GRIN3A: variants seen among roughly 807,000 people sequenced by gnomAD.
The protein encoded by GRIN3A is glutamate receptor ionotropic, NMDA 3A.
Under a neutral mutation model 92.4 loss-of-function variants are expected in GRIN3A, and 47 were observed. The ratio of observed to expected loss-of-function variants is 0.51; its 90% CI spans 0.40 to 0.65. The LOEUF (loss-of-function observed/expected upper bound fraction) is 0.65, where lower values mean the gene tolerates loss of function less well. Ranked by LOEUF, GRIN3A falls within the 30% of genes least tolerant of loss-of-function variation. The probability of loss-of-function intolerance (pLI) is 0.00; values close to 1 mark genes in which losing one functional copy is unlikely to be tolerated. For synonymous variants in GRIN3A, 527 were observed against 540.6 expected (o/e 0.97, Z 0.35); for missense variants, 1,324 against 1,393.1 (o/e 0.95, Z 0.79).
chr9:101,687,191 G>T lies in GRIN3A; in HGVS notation c.709C>A (p.His237Asn). 1 of 1,613,826 alleles carries T rather than the reference G, an allele frequency of 6.2e-7. No homozygotes were observed. The highest frequency in any genetic ancestry group is 1.1e-5 in the South Asian group (1 of 91,012). Residue 237 changes from histidine to asparagine, a missense_variant, in exon 2 of 9, where the codon CAC (histidine) becomes AAC (asparagine). By Grantham distance (68) the His-to-Asn change is moderately conservative (BLOSUM62 1). Coordinates refer to ENST00000361820, the MANE Select transcript of GRIN3A (RefSeq NM_133445.3). Reference sequence around the variant, plus strand: ...GAATTTTCTAAACTCAGTTGTAGGTGAAGGGGATTCTGTATTTAAAGATAT... The same window carrying T: ...GAATTTTCTAAACTCAGTTGTAGGTTAAGGGGATTCTGTATTTAAAGATAT... ...EFPRESQNPL[H>N]LQLSLENSLS...
At chr9:101,689,410 T>C (rs1026862597) in intron 1 of GRIN3A, among the ~76,000 whole-genome samples, 5 of 152,130 alleles carry the variant, frequency 3.3e-5, no homozygotes, top group Non-Finnish European at 7.4e-5. Flanking sequence ...GCTAATCATA[T>C]TGAGCATTTA....
At chr9:101,684,871 A>G (rs1829511585) in intron 2 of GRIN3A, among the ~76,000 whole-genome samples, 1 of 152,212 alleles carries the variant, frequency 6.6e-6, no homozygotes, top group South Asian at 2.1e-4. Flanking sequence ...TTCCAAAACA[A>G]TGACTATTTG....
At chr9:101,694,657 T>C (rs1456941531) in intron 1 of GRIN3A, among the ~76,000 whole-genome samples, 1 of 152,150 alleles carries the variant, frequency 6.6e-6, no homozygotes, top group African/African-American at 2.4e-5. Context: ...CTCATATAAA[T>C]TATGCCCCAC....
chr9:101,679,477 C>G (rs371710902), intron 2 of GRIN3A, among the ~76,000 whole-genome samples: 7 of 152,058 alleles, frequency 4.6e-5, no homozygotes, highest in African/African-American at 1.7e-4. Context: ...GACCCCGCCC[C>G]GCAGTGACTT....
intron 3 of GRIN3A, among the ~76,000 whole-genome samples, chr9:101,654,417 A>G (rs951184811): frequency 2.6e-5 from 4 of 151,640 alleles, no homozygotes; most frequent in Non-Finnish European, 5.9e-5. Flanking sequence ...TATATACCGT[A>G]TATAACATAT....
intron 5 of GRIN3A, among the ~76,000 whole-genome samples, chr9:101,616,824 C>T (rs1161802216): frequency 7.0e-6 from 1 of 143,284 alleles, no homozygotes; most frequent in African/African-American, 2.6e-5. Context: ...TGCACCAGCA[C>T]GGCACATGTA....
chr9:101,591,336 C>G (rs1828021232), intron 6 of GRIN3A, among the ~76,000 whole-genome samples: 1 of 152,096 alleles, frequency 6.6e-6, no homozygotes, highest in Non-Finnish European at 1.5e-5. Flanking sequence ...GATTTGATGA[C>G]ATGGTTAAGA....
At chr9:101,599,121 G>A (rs1163675602) in intron 6 of GRIN3A, among the ~76,000 whole-genome samples, 1 of 152,190 alleles carries the variant, frequency 6.6e-6, no homozygotes, top group Non-Finnish European at 1.5e-5. Context: ...AGCCATTGCT[G>A]TACCAGCCTC....
intron 6 of GRIN3A, among the ~76,000 whole-genome samples, chr9:101,610,914 T>C (rs1322276766): frequency 2.6e-5 from 4 of 151,898 alleles, no homozygotes; most frequent in African/African-American, 4.8e-5. Flanking sequence ...CTGGCTAACA[T>C]GGTTAAACCC....
Position 101,670,799 on chromosome 9 carries a change from G to A in GRIN3A, c.1613C>T (p.Pro538Leu). The A allele has an allele frequency of 6.2e-7, 1 of 1,614,088 alleles. No homozygotes were observed. Among genetic ancestry groups the A allele is most frequent in the Non-Finnish European group, 8.5e-7 (1 of 1,179,976 alleles). ...GGGGTCTAGACAGAGTTGGCCAGCA[G>A]GGCACAAGCCTTCATCATCTACCTC... ...TREVDDEGLC[P>L]AGQLCLDPMT... is the part of the protein sequence containing the mutation. The change falls in exon 3 of 9, where the codon CCT becomes CTT. Residue 538 changes from proline (P) to leucine (L), a missense_variant. By Grantham distance (98) the Pro-to-Leu change is moderately conservative. Coordinates refer to ENST00000361820, the MANE Select transcript of GRIN3A (RefSeq NM_133445.3).
At chr9:101,621,911 C>T (rs1464433760) in intron 5 of GRIN3A, among the ~76,000 whole-genome samples, 3 of 152,070 alleles carry the variant, frequency 2.0e-5, no homozygotes, top group South Asian at 2.1e-4. Context: ...CCAGATGCCA[C>T]AAAAAAGGAG....
intron 1 of GRIN3A, among the ~76,000 whole-genome samples, chr9:101,708,012 G>A (rs1420138089): frequency 6.6e-6 from 1 of 152,060 alleles, no homozygotes; most frequent in Non-Finnish European, 1.5e-5. Flanking sequence ...ACTCCTCATT[G>A]CAAAAAGGTC....
chr9:101,724,501 C>G (rs1020734395), intron 1 of GRIN3A, among the ~76,000 whole-genome samples: 52 of 152,304 alleles, frequency 3.4e-4, no homozygotes, highest in African/African-American at 1.1e-3. Context: ...CTCCGCACCT[C>G]CCTGCAAGCT....
intron 2 of GRIN3A, among the ~76,000 whole-genome samples, chr9:101,685,267 T>TAAATGTACA (rs1184212973): frequency 6.6e-6 from 1 of 150,478 alleles, no homozygotes; most frequent in Non-Finnish European, 1.5e-5. Context: ...TATGTAAAAT[T>TAAATGTACA]AAATGTACAA....
Position 101,711,343 on chromosome 9 carries a change from G to A in GRIN3A, c.700-24143C>T, listed in dbSNP as rs149358349. On this transcript the variant is annotated intron_variant, in intron 1 of 8. Transcript: ENST00000361820. ...ACCGAAGGGATGATTCACACATCCC[G>A]ATAGGTCAGGGTGGGACGGTGGGAG... 1.4e-3 allele frequency among the ~76,000 whole-genome samples: 214 copies of A among 152,306 alleles called. 1 individual carries two copies. The highest frequency in any genetic ancestry group is 4.9e-3 in the African/African-American group (204 of 41,578).
chr9:101,669,158 C>G (rs758119916), intron 3 of GRIN3A, among the ~76,000 whole-genome samples: 4 of 152,086 alleles, frequency 2.6e-5, no homozygotes, highest in Non-Finnish European at 5.9e-5. Flanking sequence ...TGTTTCCCAT[C>G]AGGACTGCAG....
intron 1 of GRIN3A, among the ~76,000 whole-genome samples, chr9:101,736,414 C>T (rs958789055): frequency 1.3e-5 from 2 of 152,160 alleles, no homozygotes; most frequent in African/African-American, 4.8e-5. Flanking sequence ...TATTACTTGT[C>T]AACGTTAAGT....
intron 4 of GRIN3A, among the ~76,000 whole-genome samples, chr9:101,626,462 G>A (rs1241959837): frequency 6.6e-6 from 1 of 152,122 alleles, no homozygotes; most frequent in Non-Finnish European, 1.5e-5. Context: ...GAGGTAACAT[G>A]AAGACTGTGG....
chr9:101,669,168 G>A (rs1202272762), intron 3 of GRIN3A, among the ~76,000 whole-genome samples: 1 of 152,102 alleles, frequency 6.6e-6, no homozygotes, highest in Admixed American at 6.6e-5. Flanking sequence ...CAGGACTGCA[G>A]TACTCCCCTG....
Sources: gnomAD v4.1 joint callset for allele counts (sites outside exome capture counted in the v4.1 genomes callset) on GRCh38, gnomAD v4.1.1 for gene constraint, MANE v1.5 for transcripts, NCBI Gene and HGNC (gene_info 2026-07-23, HGNC 2026-07-21) for gene names.